Variants in DMRT2 observed in about 807,000 individuals in gnomAD.
The protein encoded by DMRT2 is doublesex- and mab-3-related transcription factor 2.
In DMRT2, 33 loss-of-function variants were observed where a neutral mutation model predicts 43.5. The observed-to-expected ratio is 0.76, with a 90% CI of 0.58 to 1.01. DMRT2 has a LOEUF of 1.01. Ranked by LOEUF, DMRT2 falls within the 50% of genes least tolerant of loss-of-function variation. The pLI is 0.00. For synonymous variants in DMRT2, 395 were observed against 309.2 expected (o/e 1.28, Z -2.91); for missense variants, 1,064 against 748.0 (o/e 1.42, Z -4.93).
rs140004479 is a variant in DMRT2 at position 1,056,569 on chromosome 9, G to A, written c.982G>A (p.Val328Met). 5,273 of 1,614,138 alleles carry A rather than the reference G, an allele frequency of 3.3e-3. 16 individuals are homozygous for A. Among genetic ancestry groups the A allele is most frequent in the Non-Finnish European group, 3.8e-3 (4,480 of 1,180,020 alleles). The change falls in exon 4 of 4, where the codon GTG (valine) becomes ATG (methionine). Residue 328 changes from valine (V) to methionine (M), a missense_variant. By Grantham distance (21) the Val-to-Met change is conservative. Transcript: ENST00000358146. ...GGAACTAATTTCTTCTAATGTCAGC[G>A]TGGCCACAACTTATAGACAGTATCC... Reference protein sequence around the residue: ...NMELISSNVSVATTYRQYPLS... With the variant: ...NMELISSNVSMATTYRQYPLS...
chr9:1,053,678 AT>A, intron 2 of DMRT2, 43 bp from the exon 3 acceptor site: 1 of 1,549,864 alleles, frequency 6.5e-7, no homozygotes, highest in Non-Finnish European at 8.8e-7. Context: ...TCTCGCCCCC[AT>A]TTTCTTTCAG....
Position 1,057,440 on chromosome 9 carries a change from C to A in DMRT2, c.*167C>A. ...AATATGCATGTACTTTTTCTTATCA[C>A]ATATATTTAAACTTACAGATGGAAA... On this transcript the variant is annotated 3_prime_UTR_variant, in exon 4 of 4. Coordinates refer to ENST00000358146, the MANE Select transcript of DMRT2 (RefSeq NM_181872.6). The A allele has an allele frequency of 1.4e-6, 1 of 713,036 alleles. No homozygotes were observed. The highest frequency in any genetic ancestry group is 3.2e-5 in the Admixed American group (1 of 31,524). The allele number at this position is 713,036 out of a possible 1,614,324, so 44.2% of individuals were successfully genotyped here. A position where few individuals can be genotyped will look rare whatever the true frequency, so the allele number is the denominator to read the frequency against.
Position 1,053,750 on chromosome 9 carries a change from A to C in DMRT2, c.554A>C (p.Asn185Thr). The C allele has an allele frequency of 6.2e-7, 1 of 1,614,052 alleles. No homozygotes were observed. Among genetic ancestry groups the C allele is most frequent in the Non-Finnish European group, 8.5e-7 (1 of 1,179,964 alleles). ...AAGAAGGGGCTTTCCGGGAAACAGA[A>C]TAATTTCGAGCGCAAAGCTGTGTAC... ...EDKKGLSGKQ[N>T]NFERKAVYQR... The change falls in exon 3 of 4, where the codon AAT (asparagine) becomes ACT (threonine). Residue 185 changes from asparagine to threonine, a missense_variant. Transcript: ENST00000358146.
rs1444870618 is a variant in DMRT2 at position 1,050,450 on chromosome 9, G to A, written c.-370G>A. ...CGGCCCGACCTTTCCCGCCCAGCCT[G>A]GGTCAGAGGAAGCCGAAAGCGGCCT... On this transcript the variant is annotated 5_prime_UTR_variant, in exon 1 of 4. Coordinates refer to ENST00000358146, the MANE Select transcript of DMRT2 (RefSeq NM_181872.6). The A allele has an allele frequency of 6.6e-6, 1 of 152,248 alleles. No individual in the cohort carries two copies. The highest frequency in any genetic ancestry group is 6.5e-5 in the Admixed American group (1 of 15,286). 9.4% of individuals were successfully genotyped at this position (152,248 alleles called of 1,614,324 possible).
rs1005411245 is a variant in DMRT2, at chr9:1,053,896, G to A, written c.628+72G>A. 3.0e-6 allele frequency: 4 copies of A among 1,330,776 alleles called. No homozygotes were observed. The South Asian group carries it at 3.8e-5, about 13-fold the overall frequency. 82.4% of individuals were successfully genotyped at this position (1,330,776 alleles called of 1,614,324 possible). ...ACTCTCATTAATCAGCACAAAGTGT[G>A]TTTATTAATCTGTGAAAGAGCTATC... On this transcript the variant is annotated intron_variant, in intron 3 of 3. Transcript: ENST00000358146.
Position 1,055,378 on chromosome 9 carries a change from G to T in DMRT2, c.629-838G>T, listed in dbSNP as rs1236603966. On this transcript the variant is annotated intron_variant, in intron 3 of 3. Coordinates refer to ENST00000358146, the MANE Select transcript of DMRT2 (RefSeq NM_181872.6). Reference sequence around the variant, plus strand: ...TACACTAATCTTTGTATTTGAGTTTGCTCCTATTCGTGCGATGACTTAGCC... The same window carrying T: ...TACACTAATCTTTGTATTTGAGTTTTCTCCTATTCGTGCGATGACTTAGCC... 2.3e-4 allele frequency among the ~76,000 whole-genome samples: 35 copies of T among 152,144 alleles called. 1 individual carries two copies. Among genetic ancestry groups the T allele is most frequent in the Admixed American group, 2.3e-3 (35 of 15,280 alleles).
chr9:1,056,610 T>A lies in DMRT2; in HGVS notation c.1023T>A (p.Phe341Leu). ...TYRQYPLSSR[F>L]LVWPKCGPIS... ...GACAGTATCCCTTGTCCTCAAGATTTTTAGTTTGGCCCAAGTGTGGCCCCA... is the reference window on the plus strand; with the variant it reads ...GACAGTATCCCTTGTCCTCAAGATTATTAGTTTGGCCCAAGTGTGGCCCCA... The change falls in exon 4 of 4, where the codon TTT becomes TTA. Residue 341 changes from phenylalanine to leucine, a missense_variant. Phe to Leu is a conservative substitution (Grantham distance 22, BLOSUM62 0). Coordinates refer to ENST00000358146, the MANE Select transcript of DMRT2 (RefSeq NM_181872.6). The A allele has an allele frequency of 6.2e-7, 1 of 1,614,172 alleles. No individual in the cohort carries two copies. The highest frequency in any genetic ancestry group is 8.5e-7 in the Non-Finnish European group (1 of 1,180,026).
Position 1,057,161 on chromosome 9 carries a change from T to G in DMRT2, c.1574T>G (p.Leu525Arg), listed in dbSNP as rs1822063896. 6.2e-7 allele frequency: 1 copy of G among 1,613,914 alleles called. No individual in the cohort carries two copies. Residue 525 changes from leucine (L) to arginine (R), a missense_variant, in exon 4 of 4, where the codon CTT becomes CGT. Leu to Arg is a moderately radical substitution (Grantham distance 102, BLOSUM62 -2). Coordinates refer to ENST00000358146, the MANE Select transcript of DMRT2 (RefSeq NM_181872.6). ...ACAATAGATAGATGTGCAAAAGACC[T>G]TTTTGTAGCCAAACAAGTTGGAACA... ...TFTIDRCAKDLFVAKQVGTKL... is the reference protein window; with the variant it reads ...TFTIDRCAKDRFVAKQVGTKL...
chr9:1,056,334 G>T lies in DMRT2; in HGVS notation c.747G>T (p.Met249Ile), dbSNP rs1229716476. The T allele has an allele frequency of 6.8e-6, 11 of 1,614,102 alleles. No homozygotes were observed. The highest frequency in any genetic ancestry group is 1.3e-5 in the African/African-American group (1 of 74,930). The change falls in exon 4 of 4, where the codon ATG becomes ATT. Residue 249 changes from methionine to isoleucine, a missense_variant. Met to Ile is a conservative substitution (Grantham distance 10, BLOSUM62 1). Coordinates refer to ENST00000358146, the MANE Select transcript of DMRT2 (RefSeq NM_181872.6). ...CTGATAAAGAGTTGGAGAACATTAT[G>T]CTGGAGAGAGAATATAAAGAAAGGG... The part of the protein sequence containing the change: ...AFADKELENI[M>I]LEREYKEREM...
chr9:1,053,646 C>T (rs180775997), intron 2 of DMRT2, 76 bp from the exon 3 acceptor site: 10 of 1,230,174 alleles, frequency 8.1e-6, no homozygotes, highest in East Asian at 2.3e-5. Flanking sequence ...AGAAGATTTA[C>T]GGACATCCCG....
At chr9:1,053,643 T>A in intron 2 of DMRT2, 79 bp from the exon 3 acceptor site, 1 of 1,224,080 alleles carries the variant, frequency 8.2e-7, no homozygotes, top group Middle Eastern at 2.2e-4. Context: ...TCTAGAAGAT[T>A]TACGGACATC....
At position 1,057,403 on chromosome 9, in the gene DMRT2, T is replaced by C; in HGVS notation, c.*130T>C. 9.6e-7 allele frequency: 1 copy of C among 1,037,970 alleles called. No homozygotes were observed. The highest frequency in any genetic ancestry group is 1.4e-6 in the Non-Finnish European group (1 of 739,004). 64.3% of individuals were successfully genotyped at this position (1,037,970 alleles called of 1,614,324 possible). The stretch of plus-strand genomic sequence containing the variant: ...GTAAAGATGATGATTTTGAAAAATT[T>C]TATATATTCCTAATATGCATGTACT... On this transcript the variant is annotated 3_prime_UTR_variant, in exon 4 of 4. Coordinates refer to ENST00000358146, the MANE Select transcript of DMRT2 (RefSeq NM_181872.6).
Position 1,057,495 on chromosome 9 carries a change from C to G in DMRT2, c.*222C>G. The G allele has an allele frequency of 2.0e-6, 1 of 509,030 alleles. No homozygotes were observed. 31.5% of individuals were successfully genotyped at this position (509,030 alleles called of 1,614,324 possible). The stretch of plus-strand genomic sequence containing the variant: ...CCAATGTGCAAATTGTTAAGTACCA[C>G]ACTTTACACAGCATTTCAAAAAGCA... On this transcript the variant is annotated 3_prime_UTR_variant, in exon 4 of 4. Coordinates refer to ENST00000358146, the MANE Select transcript of DMRT2 (RefSeq NM_181872.6).
Position 1,056,546 on chromosome 9 carries a change from A to G in DMRT2, c.959A>G (p.Glu320Gly), listed in dbSNP as rs564642993. 6.2e-7 allele frequency: 1 copy of G among 1,614,134 alleles called. No homozygotes were observed. ...TMQYSGSGNM[E>G]LISSNVSVAT... ...CAGTATTCAGGGTCTGGGAATATGG[A>G]ACTAATTTCTTCTAATGTCAGCGTG... The change falls in exon 4 of 4, where the codon GAA becomes GGA. Residue 320 changes from glutamate (E) to glycine (G), a missense_variant. Transcript: ENST00000358146.
chr9:1,051,933 C>G lies in DMRT2; in HGVS notation c.320C>G (p.Pro107Arg), dbSNP rs1315153049. The change falls in exon 2 of 4, where the codon CCC becomes CGC. Residue 107 changes from proline to arginine, a missense_variant. Transcript: ENST00000358146. This position sits in a 1 kb window ranked among gnomAD's most constrained non-coding sequence, Gnocchi z 5.9. ...ACCGGTCCCCGAGAGCGCTGCACTCCCGCGGGCGGCGGCGCGGAGCCGCGC... is the reference window on the plus strand; with the variant it reads ...ACCGGTCCCCGAGAGCGCTGCACTCGCGCGGGCGGCGGCGCGGAGCCGCGC... ...AGTGPRERCT[P>R]AGGGAEPRKL... The G allele has an allele frequency of 7.3e-7, 1 of 1,364,078 alleles. No individual in the cohort carries two copies. The highest frequency in any genetic ancestry group is 9.4e-7 in the Non-Finnish European group (1 of 1,067,884). The allele number at this position is 1,364,078 out of a possible 1,614,324, so 84.5% of individuals were successfully genotyped here.
intron 3 of DMRT2, chr9:1,055,749 A>T: frequency 6.7e-7 from 1 of 1,502,018 alleles, no homozygotes; most frequent in Non-Finnish European, 9.0e-7. Flanking sequence ...TACAGCTATT[A>T]TGTGTACATA....
intron 2 of DMRT2, 23 bp from the exon 3 acceptor site, chr9:1,053,699 G>A (rs1221066081): frequency 1.3e-6 from 2 of 1,598,204 alleles, no homozygotes; most frequent in African/African-American, 1.3e-5. Context: ...GGGCATTATT[G>A]ATGATGTTTC....
At chr9:1,052,476 G>T (rs907595626) in intron 2 of DMRT2, among the ~76,000 whole-genome samples, 24 of 151,954 alleles carry the variant, frequency 1.6e-4, no homozygotes, top group African/African-American at 5.6e-4. Flanking sequence ...GCGGGGGCTT[G>T]GGGGGAGAGT....
In DMRT2 at chr9:1,056,818, C is replaced by T; in HGVS notation, c.1231C>T (p.Gln411Ter). Residue 411 changes from glutamine to a stop codon, truncating the protein, a stop_gained, in exon 4 of 4, where the codon CAG becomes TAG. Transcript: ENST00000358146. LOFTEE classifies it high-confidence loss of function. ...GGTGCTGCCTCACACTCCTGAGATC[C>T]AGACCACGAGAAGTGACCTTCAGGG... is the stretch of plus-strand genomic sequence containing the variant. ...SLVLPHTPEI[Q>*]TTRSDLQGHQ... is the part of the protein sequence containing the mutation. 3 of 1,614,156 alleles carry T rather than the reference C, an allele frequency of 1.9e-6. No individual in the cohort carries two copies. The highest frequency in any genetic ancestry group is 8.5e-7 in the Non-Finnish European group (1 of 1,180,032).
Sources: allele counts gnomAD v4.1 joint callset (sites outside exome capture counted in the v4.1 genomes callset), GRCh38; gene constraint gnomAD v4.1.1; non-coding constraint Gnocchi (gnomAD v3.1); transcripts MANE v1.5; gene names NCBI Gene and HGNC (gene_info 2026-07-23, HGNC 2026-07-21).